The following CCND3 variants were observed in gnomAD, a reference collection of about 807,000 sequenced individuals.
The protein encoded by CCND3 is cyclin D3.
In CCND3, 9 loss-of-function variants were observed where a neutral mutation model predicts 28.7. That is an observed-to-expected ratio of 0.31 (90% CI 0.19 to 0.55). The LOEUF is 0.55. Ranked by LOEUF, CCND3 falls within the 20% of genes least tolerant of loss-of-function variation. CCND3 has a pLI of 0.93. For synonymous variants in CCND3, 164 were observed against 163.9 expected, an observed-to-expected ratio of 1.00 and a Z score of 0.00; for missense variants, 315 against 385.8, an observed-to-expected ratio of 0.82 and a Z score of 1.54.
At chr6:42,013,507 T>C (rs186830240) in intron 1 of CCND3, among the ~76,000 whole-genome samples, 7 of 152,196 alleles carry the variant, frequency 4.6e-5, no homozygotes, top group Non-Finnish European at 8.8e-5. Flanking sequence ...AGACATTCAA[T>C]AAATACATGT....
chr6:41,991,561 C>T (rs1044335651), intron 1 of CCND3, among the ~76,000 whole-genome samples: 1 of 152,136 alleles, frequency 6.6e-6, no homozygotes, highest in African/African-American at 2.4e-5. Context: ...ATTAGCATAT[C>T]CATCATCTCA....
At chr6:42,047,731 C>T (rs567832347) in intron 1 of CCND3, among the ~76,000 whole-genome samples, 2 of 152,282 alleles carry the variant, frequency 1.3e-5, no homozygotes, top group Admixed American at 1.3e-4. Flanking sequence ...ATTCCAGTGT[C>T]CAACACCACA....
At chr6:42,023,586 A>G (rs926885991) in intron 1 of CCND3, among the ~76,000 whole-genome samples, 1 of 152,198 alleles carries the variant, frequency 6.6e-6, no homozygotes, top group African/African-American at 2.4e-5. Context: ...GTGACTGTAC[A>G]GAATATAACT....
Position 42,048,944 on chromosome 6 carries a change from C to T in CCND3, c.-489G>A, listed in dbSNP as rs1764636001. On this transcript the variant is annotated 5_prime_UTR_variant, in exon 1 of 5. Transcript: ENST00000372988. This position sits in a 1 kb window ranked among gnomAD's most constrained non-coding sequence, Gnocchi z 4.7. ...TCAGGTGTGGGCGGCGGGGCCGGGG[C>T]AGCACGGGTTCCCGGACCGCTGCCT... 4.7e-6 allele frequency: 1 copy of T among 212,536 alleles called. No homozygotes were observed. Among genetic ancestry groups the T allele is most frequent in the African/African-American group, 2.4e-5 (1 of 41,742 alleles). 13.2% of individuals were successfully genotyped at this position (212,536 alleles called of 1,614,324 possible).
chr6:42,000,562 A>ATTTTTTTTTTT (rs1458063924), intron 1 of CCND3, among the ~76,000 whole-genome samples: 1 of 14,006 alleles, frequency 7.1e-5, no homozygotes, highest in Non-Finnish European at 1.6e-4. Flanking sequence ...GGTGAAACGA[A>ATTTTTTTTTTT]TCTTTTTTTT....
chr6:41,956,852 C>A (rs951365885), intron 1 of CCND3, among the ~76,000 whole-genome samples: 7 of 151,940 alleles, frequency 4.6e-5, no homozygotes, highest in African/African-American at 1.7e-4. Context: ...CACAGTGAAA[C>A]CCCGCCTCTA....
intron 1 of CCND3, among the ~76,000 whole-genome samples, chr6:42,026,878 A>G (rs542442939): frequency 6.6e-6 from 1 of 152,332 alleles, no homozygotes; most frequent in East Asian, 1.9e-4. Flanking sequence ...GCAAGGGCAC[A>G]GGAGGGGCTT....
chr6:41,962,248 G>A (rs376909762), intron 1 of CCND3, among the ~76,000 whole-genome samples: 22 of 152,178 alleles, frequency 1.4e-4, no homozygotes, highest in Non-Finnish European at 2.4e-4. Context: ...TTACAGGTGC[G>A]TGCCACCACC....
chr6:42,020,968 C>T (rs1763694403), intron 1 of CCND3, among the ~76,000 whole-genome samples: 1 of 152,110 alleles, frequency 6.6e-6, no homozygotes, highest in African/African-American at 2.4e-5. Context: ...GCCAGGCTGG[C>T]CTCAAACTCT....
At chr6:41,957,373 T>C (rs562738411) in intron 1 of CCND3, among the ~76,000 whole-genome samples, 10 of 152,316 alleles carry the variant, frequency 6.6e-5, no homozygotes, top group South Asian at 6.2e-4. Flanking sequence ...TAACCAATTT[T>C]ATCTCAGCCC....
rs774090777 is a variant in CCND3, at chr6:42,000,564, C to CT, written c.-46+47936dup. ...TTTCTAATAACTGGGTGAAACGAAT[C>CT]TTTTTTTTTTTTTTTTTTCTGAGAC... On this transcript the variant is annotated intron_variant, in intron 1 of 4. Coordinates refer to the CCND3 transcript ENST00000372988. 9.7e-4 allele frequency among the ~76,000 whole-genome samples: 83 copies of CT among 85,520 alleles called. 5 individuals carry two copies. The highest frequency in any genetic ancestry group is 4.1e-3 in the African/African-American group (82 of 20,226). 56.1% of individuals were successfully genotyped at this position (85,520 alleles called of 152,430 possible).
At chr6:41,981,189 A>C (rs1582129270) in intron 1 of CCND3, among the ~76,000 whole-genome samples, 1 of 152,252 alleles carries the variant, frequency 6.6e-6, no homozygotes, top group East Asian at 1.9e-4. Flanking sequence ...GCAGGATATA[A>C]AAATATTTAT....
intron 1 of CCND3, among the ~76,000 whole-genome samples, chr6:42,037,155 T>C (rs1048386704): frequency 2.0e-5 from 3 of 152,062 alleles, no homozygotes; most frequent in African/African-American, 4.8e-5. Context: ...TTAGCCAGGA[T>C]GGTCTCGATC....
intron 1 of CCND3, among the ~76,000 whole-genome samples, chr6:42,023,548 G>A (rs1333058974): frequency 1.3e-5 from 2 of 152,198 alleles, no homozygotes; most frequent in East Asian, 3.8e-4. Context: ...GGAGCAATGG[G>A]CCAGTGTTCA....
chr6:42,003,516 A>C, intron 1 of CCND3, among the ~76,000 whole-genome samples: 1 of 113,406 alleles, frequency 8.8e-6, no homozygotes, highest in Non-Finnish European at 1.7e-5. Flanking sequence ...CCAGAGTGAG[A>C]CTCTGTCTCA....
chr6:42,004,694 C>A (rs1048972000), intron 1 of CCND3, among the ~76,000 whole-genome samples: 91 of 152,120 alleles, frequency 6.0e-4, no homozygotes, highest in Non-Finnish European at 1.3e-4. Flanking sequence ...TGCACCACTG[C>A]ACTCCTTCTT....
chr6:41,994,063 C>T (rs557595493), intron 1 of CCND3, among the ~76,000 whole-genome samples: 6 of 148,854 alleles, frequency 4.0e-5, no homozygotes, highest in Non-Finnish European at 7.4e-5. Flanking sequence ...ACTCCAAATA[C>T]AGTCATATGC....
chr6:42,016,734 G>A (rs908659702), intron 1 of CCND3, among the ~76,000 whole-genome samples: 2 of 151,494 alleles, frequency 1.3e-5, no homozygotes, highest in East Asian at 1.9e-4. Context: ...ACAGGCACCC[G>A]CCATCATGCC....
At chr6:42,036,085 C>A (rs920995398) in intron 1 of CCND3, among the ~76,000 whole-genome samples, 1 of 148,646 alleles carries the variant, frequency 6.7e-6, no homozygotes, top group African/African-American at 2.5e-5. Flanking sequence ...CTCTGCCTCT[C>A]GGGTTCAAGC....
Sources: gnomAD v4.1 joint callset for allele counts (sites outside exome capture counted in the v4.1 genomes callset) on GRCh38, gnomAD v4.1.1 for gene constraint, Gnocchi (gnomAD v3.1) non-coding constraint, MANE v1.5 for transcripts, NCBI Gene and HGNC (gene_info 2026-07-23, HGNC 2026-07-21) for gene names.